FGL1: variants seen among roughly 807,000 people sequenced by gnomAD.
FGL1 encodes fibrinogen-like protein 1.
A neutral mutation model predicts 43.7 loss-of-function variants in FGL1; 59 were observed. That is an observed-to-expected ratio of 1.35 (90% confidence interval 1.10 to 1.68). The LOEUF (loss-of-function observed/expected upper bound fraction) is 1.68. Ranked by LOEUF, FGL1 falls within the 40% of genes most tolerant of loss-of-function variation. The pLI is 0.00. For missense variants in FGL1, 596 were observed against 373.0 expected (o/e 1.60, Z -4.92); for synonymous variants, 192 against 126.5 (o/e 1.52, Z -3.48).
intron 7 of FGL1, 58 bp from the exon 8 acceptor site, chr8:17,864,809 G>A: frequency 7.6e-7 from 1 of 1,316,704 alleles, no homozygotes; most frequent in Non-Finnish European, 9.8e-7. Flanking sequence ...ATATTGTTCA[G>A]AATCCCTTTT....
At chr8:17,869,082 C>T (rs1585127558) in intron 5 of FGL1, 78 bp from the exon 6 acceptor site, 9 of 854,636 alleles carry the variant, frequency 1.1e-5, no homozygotes, top group South Asian at 8.8e-5. Flanking sequence ...AAATAATTCA[C>T]AGCTCTATTT....
At chr8:17,867,159 C>A (rs2053281008) in intron 7 of FGL1, among the ~76,000 whole-genome samples, 1 of 152,170 alleles carries the variant, frequency 6.6e-6, no homozygotes, top group Non-Finnish European at 1.5e-5. Flanking sequence ...CGTTCTAAGA[C>A]CCCTAGTGGA....
At chr8:17,882,215 C>G in intron 2 of FGL1, 36 bp from the exon 3 acceptor site, 1 of 1,521,290 alleles carries the variant, frequency 6.6e-7, no homozygotes, top group Non-Finnish European at 8.9e-7. Context: ...GTATGCACCT[C>G]ATTTTCATGG....
rs1271559719 is a variant in FGL1 at position 17,874,428 on chromosome 8, T to C, written c.338A>G (p.Asp113Gly). ...AGTCCATCCTCCTCCATCGGACATG[T>C]CACAATAAACAGAAAATTCTGCTGG... ...QSPAEFSVYC[D>G]MSDGGGWTVI... Residue 113 changes from aspartate (D) to glycine (G), a missense_variant, in exon 4 of 8, where the codon GAC becomes GGC. By Grantham distance (94) the Asp-to-Gly change is moderately conservative. Coordinates refer to ENST00000427924, the MANE Select transcript of FGL1 (RefSeq NM_004467.4). 18 of 1,614,042 alleles carry C rather than the reference T, an allele frequency of 1.1e-5. No homozygotes were observed. In the Admixed American group the frequency reaches 3.0e-4, roughly 27 times the overall value.
At chr8:17,864,944 T>A (rs1416662297) in intron 7 of FGL1, among the ~76,000 whole-genome samples, 193 bp from the exon 8 acceptor site, 1 of 152,134 alleles carries the variant, frequency 6.6e-6, no homozygotes, top group Non-Finnish European at 1.5e-5. Context: ...TTTTATTTTT[T>A]ATTTTTTAAT....
intron 3 of FGL1, among the ~76,000 whole-genome samples, chr8:17,878,713 T>G (rs1350911058): frequency 6.6e-6 from 1 of 152,188 alleles, no homozygotes; most frequent in Non-Finnish European, 1.5e-5. Context: ...ATTGGGTGTT[T>G]TCTACCATCA....
chr8:17,894,497 T>C (rs1035729644), intron 1 of FGL1, among the ~76,000 whole-genome samples: 8 of 147,448 alleles, frequency 5.4e-5, no homozygotes, highest in Non-Finnish European at 1.2e-4. Flanking sequence ...TAAATATAGT[T>C]GATCCCTCAA....
At chr8:17,894,010 T>G (rs965161082) in intron 1 of FGL1, among the ~76,000 whole-genome samples, 14 of 147,154 alleles carry the variant, frequency 9.5e-5, no homozygotes, top group Non-Finnish European at 1.9e-4. Flanking sequence ...TTATTTTACA[T>G]AATTTTAATG....
At chr8:17,881,636 A>G (rs1216499850) in intron 3 of FGL1, among the ~76,000 whole-genome samples, 1 of 151,342 alleles carries the variant, frequency 6.6e-6, no homozygotes, top group African/African-American at 2.4e-5. Flanking sequence ...GATCGAGACC[A>G]TCCTGGCTAA....
intron 3 of FGL1, among the ~76,000 whole-genome samples, chr8:17,875,529 T>C (rs1162633829): frequency 0.013 from 153 of 11,700 alleles, 23 homozygotes; most frequent in African/African-American, 0.042. Context: ...CTTTCTTTCT[T>C]TCTTTCTCTT....
Position 17,868,689 on chromosome 8 carries a change from T to C in FGL1, c.638A>G (p.Asp213Gly), listed in dbSNP as rs779573099. Residue 213 changes from aspartate (D) to glycine (G), a missense_variant, in exon 7 of 8, where the codon GAT becomes GGT. Coordinates refer to ENST00000427924, the MANE Select transcript of FGL1 (RefSeq NM_004467.4). ...AGGATGAAAATTCCCCGCAAGGGAA[T>C]CTCCAGCTGTTCCAGAATATTCCCC... Reference protein sequence around the residue: ...NIGEYSGTAGDSLAGNFHPEV... With the variant: ...NIGEYSGTAGGSLAGNFHPEV... 3.1e-6 allele frequency: 5 copies of C among 1,613,672 alleles called. No homozygotes were observed. The South Asian group carries it at 5.5e-5, about 18-fold the overall frequency.
chr8:17,881,963 A>G (rs1367024652), intron 3 of FGL1, 36 bp downstream of exon 3: 2 of 1,586,490 alleles, frequency 1.3e-6, no homozygotes, highest in Non-Finnish European at 1.7e-6. Flanking sequence ...TGCATAATGT[A>G]AGTTATAGAA....
At position 17,868,348 on chromosome 8, in the gene FGL1, CA is replaced by C. The variant is rs200784307; in HGVS notation, c.779+199del. On this transcript the variant is annotated intron_variant, in intron 7 of 7. Coordinates refer to ENST00000427924, the MANE Select transcript of FGL1 (RefSeq NM_004467.4). ...TAAAAGTAATAATTTATTTCTATGA[CA>C]TTTACACTTTACTAATGTACACAAT... is the stretch of plus-strand genomic sequence containing the variant. 5.4e-3 allele frequency: 2,114 copies of C among 390,578 alleles called. 71 individuals carry two copies. The highest frequency in any genetic ancestry group is 0.053 in the Admixed American group (1,188 of 22,616). 24.2% of individuals were successfully genotyped at this position (390,578 alleles called of 1,614,324 possible). A position where few individuals can be genotyped will look rare whatever the true frequency, so the allele number is the denominator to read the frequency against.
chr8:17,876,859 A>C (rs2053464429), intron 3 of FGL1, among the ~76,000 whole-genome samples: 1 of 152,220 alleles, frequency 6.6e-6, no homozygotes, highest in Non-Finnish European at 1.5e-5. Flanking sequence ...TTTTATGCTA[A>C]CTGCGAGTTT....
intron 3 of FGL1, among the ~76,000 whole-genome samples, chr8:17,876,169 T>C (rs925845495): frequency 6.6e-6 from 1 of 152,200 alleles, no homozygotes; most frequent in Non-Finnish European, 1.5e-5. Context: ...TTTGTTAATT[T>C]CCTTAACAAA....
chr8:17,875,609 C>G (rs1243740917), intron 3 of FGL1, among the ~76,000 whole-genome samples: 1 of 137,232 alleles, frequency 7.3e-6, no homozygotes, highest in Admixed American at 7.9e-5. Flanking sequence ...TTCTTTCTTT[C>G]TTTCTTTTCC....
At chr8:17,867,921 T>G (rs770211285) in intron 7 of FGL1, among the ~76,000 whole-genome samples, 1 of 152,080 alleles carries the variant, frequency 6.6e-6, no homozygotes, top group Non-Finnish European at 1.5e-5. Flanking sequence ...AATGCAAAAA[T>G]TAGCCCATGT....
At chr8:17,870,153 T>A (rs1314470577) in intron 5 of FGL1, among the ~76,000 whole-genome samples, 1 of 152,104 alleles carries the variant, frequency 6.6e-6, no homozygotes, top group Non-Finnish European at 1.5e-5. Flanking sequence ...ATGTATTGGG[T>A]ACATATTATC....
chr8:17,879,958 T>C (rs1381259344), intron 3 of FGL1, among the ~76,000 whole-genome samples: 1 of 152,146 alleles, frequency 6.6e-6, no homozygotes, highest in Non-Finnish European at 1.5e-5. Context: ...AAATTTGGAG[T>C]AATGATGATC....
Sources: allele counts gnomAD v4.1 joint callset (sites outside exome capture counted in the v4.1 genomes callset), GRCh38; gene constraint gnomAD v4.1.1; transcripts MANE v1.5; gene names NCBI Gene and HGNC (gene_info 2026-07-23, HGNC 2026-07-21).